Variants in AFG1L observed in about 807,000 individuals in gnomAD.
The protein encoded by AFG1L is AFG1-like ATPase.
In AFG1L, 53 loss-of-function variants were observed where a neutral mutation model predicts 62.2. The observed-to-expected ratio is 0.85, with a 90% CI of 0.68 to 1.07. AFG1L has a LOEUF of 1.07. AFG1L is among the 50% of genes least tolerant of loss of function. The pLI is 0.00. For missense variants in AFG1L, 555 were observed against 590.5 expected, an observed-to-expected ratio of 0.94 and a Z score of 0.62; for synonymous variants, 228 against 210.3, an observed-to-expected ratio of 1.08 and a Z score of -0.73.
intron 8 of AFG1L, among the ~76,000 whole-genome samples, chr6:108,461,227 G>A (rs530101341): frequency 2.0e-5 from 3 of 152,182 alleles, no homozygotes; most frequent in Non-Finnish European, 4.4e-5. Flanking sequence ...TAATGGTAAT[G>A]AATCTGTGCT....
Position 108,366,218 on chromosome 6 carries a change from T to C in AFG1L, c.649-15T>C, listed in dbSNP as rs917664613. 31 of 1,504,616 alleles carry C rather than the reference T, an allele frequency of 2.1e-5. No homozygotes were observed. The highest frequency in any genetic ancestry group is 2.7e-5 in the African/African-American group (2 of 73,040). 93.2% of individuals were successfully genotyped at this position (1,504,616 alleles called of 1,614,324 possible). On this transcript the variant is annotated splice_polypyrimidine_tract_variant and intron_variant, in intron 5 of 12. Coordinates refer to ENST00000368977, the MANE Select transcript of AFG1L (RefSeq NM_145315.5). ...AAGTGAAATTAAAATAAAACAAATGTGTTGTTGTCAATAGGTCACTGACAT... is the reference window on the plus strand; with the variant it reads ...AAGTGAAATTAAAATAAAACAAATGCGTTGTTGTCAATAGGTCACTGACAT...
At chr6:108,449,997 A>G (rs1771985319) in intron 8 of AFG1L, among the ~76,000 whole-genome samples, 1 of 152,178 alleles carries the variant, frequency 6.6e-6, no homozygotes, top group African/African-American at 2.4e-5. Flanking sequence ...AATCCAGTCT[A>G]TCATTGTTGG....
intron 7 of AFG1L, among the ~76,000 whole-genome samples, chr6:108,433,258 T>C (rs6934591): frequency 5.9e-4 from 87 of 147,712 alleles, no homozygotes; most frequent in African/African-American, 2.1e-3. Context: ...CCACAAACAT[T>C]AACTTTATTA....
intron 8 of AFG1L, among the ~76,000 whole-genome samples, chr6:108,450,659 C>A (rs1438836605): frequency 6.6e-6 from 1 of 152,178 alleles, no homozygotes; most frequent in Non-Finnish European, 1.5e-5. Context: ...GTATTTTAGA[C>A]ATGAAGTCCT....
chr6:108,382,154 C>A, intron 6 of AFG1L, among the ~76,000 whole-genome samples: 1 of 152,042 alleles, frequency 6.6e-6, no homozygotes, highest in Non-Finnish European at 1.5e-5. Context: ...GCACGCGCCA[C>A]CACACCTGGC....
At chr6:108,388,305 T>G (rs1328400776) in intron 6 of AFG1L, among the ~76,000 whole-genome samples, 1 of 152,204 alleles carries the variant, frequency 6.6e-6, no homozygotes, top group Non-Finnish European at 1.5e-5. Flanking sequence ...CTATCAATTT[T>G]GTTGATCCTT....
rs1052954302 is a variant in AFG1L at position 108,357,539 on chromosome 6, A to G, written c.648+719A>G. ...TCTAAATTTTGGTCGATGACTGTAC[A>G]TCTCCCCTACACCACAAAGATAATG... is the stretch of plus-strand genomic sequence containing the variant. On this transcript the variant is annotated intron_variant, in intron 5 of 12. Transcript: ENST00000368977. Among the ~76,000 whole-genome samples the G allele has an allele frequency of 3.9e-5, 6 of 152,350 alleles. No individual in the cohort carries two copies. In the East Asian group the frequency reaches 1.2e-3, roughly 29 times the overall value.
In AFG1L at chr6:108,295,233, C is replaced by T. The variant is rs1012660478; in HGVS notation, c.139+15C>T. On this transcript the variant is annotated intron_variant, in intron 1 of 12. Coordinates refer to ENST00000368977, the MANE Select transcript of AFG1L (RefSeq NM_145315.5). Reference sequence around the variant, plus strand: ...CTTTTGGAAAGGTCAGTGACTGTGCCATGAGTAGTCCGAGCCGACTGCATA... The same window carrying T: ...CTTTTGGAAAGGTCAGTGACTGTGCTATGAGTAGTCCGAGCCGACTGCATA... The T allele has an allele frequency of 1.3e-6, 2 of 1,594,818 alleles. No homozygotes were observed. Among genetic ancestry groups the T allele is most frequent in the African/African-American group, 1.3e-5 (1 of 74,634 alleles).
At chr6:108,475,170 G>A (rs907181795) in intron 8 of AFG1L, among the ~76,000 whole-genome samples, 2 of 152,112 alleles carry the variant, frequency 1.3e-5, no homozygotes, top group African/African-American at 2.4e-5. Flanking sequence ...GCTTGTTTTT[G>A]TCAGGTTTCT....
intron 8 of AFG1L, among the ~76,000 whole-genome samples, chr6:108,470,056 T>C (rs1772823827): frequency 6.6e-6 from 1 of 152,250 alleles, no homozygotes; most frequent in African/African-American, 2.4e-5. Flanking sequence ...GAGAGTTCTT[T>C]GGTGAGAACT....
chr6:108,454,477 C>T (rs1772176077), intron 8 of AFG1L, among the ~76,000 whole-genome samples: 1 of 152,182 alleles, frequency 6.6e-6, no homozygotes, highest in African/African-American at 2.4e-5. Flanking sequence ...GGTTTATACC[C>T]TCCTGGTAAG....
chr6:108,522,401 T>G lies in AFG1L; in HGVS notation c.1422T>G (p.Asn474Lys). ...AAATGCAGACTGAACAGTACTGGAA[T>G]GAAGGAGACAGAACCAAGAAGTAAC... is the stretch of plus-strand genomic sequence containing the variant. ...LTEMQTEQYWNEGDRTKK is the reference protein window; with the variant it reads ...LTEMQTEQYWKEGDRTKK Residue 474 changes from asparagine (N) to lysine (K), a missense_variant, in exon 13 of 13, where the codon AAT (asparagine) becomes AAG (lysine). Asn to Lys is a moderately conservative substitution (Grantham distance 94). Coordinates refer to ENST00000368977, the MANE Select transcript of AFG1L (RefSeq NM_145315.5). 6.2e-7 allele frequency: 1 copy of G among 1,611,046 alleles called. No homozygotes were observed. The highest frequency in any genetic ancestry group is 8.5e-7 in the Non-Finnish European group (1 of 1,177,858).
rs1775153745 is a variant in AFG1L at position 108,522,276 on chromosome 6, AT to A, written c.1318-18del. On this transcript the variant is annotated intron_variant, in intron 12 of 12. Transcript: ENST00000368977. ...TTTCATTTGTGATAGCTTTATTTTA[AT>A]TTCTTTGTTTTATAACCAGGATTCA... 1 of 1,606,898 alleles carries A rather than the reference AT, an allele frequency of 6.2e-7. No individual in the cohort carries two copies. Among genetic ancestry groups the A allele is most frequent in the Non-Finnish European group, 8.5e-7 (1 of 1,176,372 alleles).
chr6:108,372,096 C>T (rs1780034267), intron 6 of AFG1L, among the ~76,000 whole-genome samples: 1 of 150,996 alleles, frequency 6.6e-6, no homozygotes, highest in South Asian at 2.1e-4. Context: ...AGTAGTAGTA[C>T]TATTATGTAT....
At chr6:108,340,606 C>G (rs1054528026) in intron 2 of AFG1L, among the ~76,000 whole-genome samples, 1 of 152,108 alleles carries the variant, frequency 6.6e-6, no homozygotes, top group African/African-American at 2.4e-5. Context: ...CTCAAGTGAT[C>G]TGCCCGCCTC....
intron 10 of AFG1L, among the ~76,000 whole-genome samples, chr6:108,502,770 C>A (rs1337933602): frequency 6.6e-6 from 1 of 152,188 alleles, no homozygotes; most frequent in Non-Finnish European, 1.5e-5. Flanking sequence ...CAAAAGATTT[C>A]TTTCTAGCAA....
intron 8 of AFG1L, among the ~76,000 whole-genome samples, chr6:108,457,728 A>G (rs1479843936): frequency 6.6e-6 from 1 of 151,992 alleles, no homozygotes; most frequent in African/African-American, 2.4e-5. Flanking sequence ...CCCCCGATAT[A>G]ATTTCTCTTT....
chr6:108,457,256 T>C (rs1240911101), intron 8 of AFG1L, among the ~76,000 whole-genome samples: 2 of 152,124 alleles, frequency 1.3e-5, no homozygotes, highest in Non-Finnish European at 2.9e-5. Flanking sequence ...TGTTCTTTTT[T>C]CCAATTTCCC....
At chr6:108,333,022 A>C (rs1778334472) in intron 2 of AFG1L, among the ~76,000 whole-genome samples, 1 of 152,262 alleles carries the variant, frequency 6.6e-6, no homozygotes, top group Admixed American at 6.5e-5. Context: ...ACATTTGACT[A>C]TGTTAAAATT....
Sources: gnomAD v4.1 joint callset for allele counts (sites outside exome capture counted in the v4.1 genomes callset) on GRCh38, gnomAD v4.1.1 for gene constraint, MANE v1.5 for transcripts, NCBI Gene and HGNC (gene_info 2026-07-23, HGNC 2026-07-21) for gene names.